The following MR1 variants were observed in gnomAD, a reference collection of about 807,000 sequenced individuals.
MR1 encodes the protein major histocompatibility complex, class I-related.
Under a neutral mutation model 37.8 loss-of-function variants are expected in MR1, and 44 were observed. That is an observed-to-expected ratio of 1.16 (90% CI 0.91 to 1.50). MR1 has a LOEUF of 1.50. Among genes scored for constraint, MR1 ranks in the 40% most tolerant of loss-of-function variants. The probability of loss-of-function intolerance (pLI) is 0.00; values close to 1 mark genes in which losing one functional copy is unlikely to be tolerated. For synonymous variants in MR1, 153 were observed against 155.8 expected (o/e 0.98, Z 0.13); for missense variants, 386 against 419.1 (o/e 0.92, Z 0.69).
At chr1:181,046,173 C>T (rs113086777) in intron 1 of MR1, among the ~76,000 whole-genome samples, 44 of 152,308 alleles carry the variant, frequency 2.9e-4, no homozygotes, top group African/African-American at 1.0e-3. Flanking sequence ...CCCTGCTCCA[C>T]GGCGCCAGTC....
rs1658652663 is a variant in MR1 at position 181,056,945 on chromosome 1, C to G, written c.*1680C>G. Reference sequence around the variant, plus strand: ...GACCAGCCTGGGCAACACGGTGAAACCCTGTCTCTACTAAAATACAAATAA... The same window carrying G: ...GACCAGCCTGGGCAACACGGTGAAAGCCTGTCTCTACTAAAATACAAATAA... On this transcript the variant is annotated 3_prime_UTR_variant, in exon 6 of 6. Coordinates refer to ENST00000367580, the MANE Select transcript of MR1 (RefSeq NM_001385161.1). The G allele has an allele frequency of 6.6e-6, 1 of 152,224 alleles. No individual in the cohort carries two copies. The highest frequency in any genetic ancestry group is 6.6e-5 in the Admixed American group (1 of 15,266). 9.4% of individuals were successfully genotyped at this position (152,224 alleles called of 1,614,324 possible).
intron 5 of MR1, among the ~76,000 whole-genome samples, chr1:181,054,340 G>A (rs1178263914): frequency 1.3e-5 from 2 of 152,162 alleles, no homozygotes; most frequent in Admixed American, 6.6e-5. Flanking sequence ...TGTTTTCATA[G>A]AGCTTACAAT....
chr1:181,045,738 T>C (rs559718159), intron 1 of MR1, among the ~76,000 whole-genome samples: 43 of 152,304 alleles, frequency 2.8e-4, no homozygotes, highest in African/African-American at 1.0e-3. Flanking sequence ...TGGCGGCACT[T>C]GAGGAGCCCT....
chr1:181,034,156 G>A (rs1464350841), intron 1 of MR1, 82 bp downstream of exon 1: 2 of 1,405,630 alleles, frequency 1.4e-6, no homozygotes, highest in Admixed American at 2.2e-5. Context: ...TAAAACTTGT[G>A]GTGAAAAATA....
At chr1:181,044,814 T>C (rs1657763520) in intron 1 of MR1, among the ~76,000 whole-genome samples, 1 of 152,164 alleles carries the variant, frequency 6.6e-6, no homozygotes, top group African/African-American at 2.4e-5. Flanking sequence ...AGGCAGTTTG[T>C]GGCTGAGCCT....
intron 5 of MR1, 86 bp from the exon 6 acceptor site, chr1:181,055,139 T>G (rs1304742670): frequency 7.9e-7 from 1 of 1,271,522 alleles, no homozygotes; most frequent in Admixed American, 1.8e-5. Flanking sequence ...TGCCTGTTTC[T>G]CAGATTTTGC....
chr1:181,052,294 T>C lies in MR1; in HGVS notation c.664T>C (p.Cys222Arg), dbSNP rs762984615. The C allele has an allele frequency of 1.4e-5, 22 of 1,614,224 alleles. No homozygotes were observed. Among genetic ancestry groups the C allele is most frequent in the Non-Finnish European group, 1.8e-5 (21 of 1,180,030 alleles). The change falls in exon 4 of 6, where the codon TGC becomes CGC. Residue 222 changes from cysteine to arginine, a missense_variant. By Grantham distance (180) the Cys-to-Arg change is radical (BLOSUM62 -3). Transcript: ENST00000367580. ...ETFPGVTALF[C>R]KAHGFYPPEI... Reference sequence around the variant, plus strand: ...TTTTCCAGGGGTTACAGCTCTCTTCTGCAAAGCTCATGGCTTTTACCCCCC... The same window carrying C: ...TTTTCCAGGGGTTACAGCTCTCTTCCGCAAAGCTCATGGCTTTTACCCCCC...
intron 1 of MR1, among the ~76,000 whole-genome samples, chr1:181,035,081 G>A (rs961476060): frequency 2.1e-4 from 32 of 152,126 alleles, no homozygotes; most frequent in South Asian, 1.5e-3. Context: ...CAGACGGATC[G>A]CTTGAGGTCA....
In MR1 at chr1:181,057,538, A is replaced by T. The variant is rs1465985828; in HGVS notation, c.*2273A>T. The T allele has an allele frequency of 6.6e-6, 1 of 152,186 alleles. No homozygotes were observed. The highest frequency in any genetic ancestry group is 1.5e-5 in the Non-Finnish European group (1 of 68,034). The allele number at this position is 152,186 out of a possible 1,614,324, so 9.4% of individuals were successfully genotyped here. On this transcript the variant is annotated 3_prime_UTR_variant, in exon 6 of 6. Transcript: ENST00000367580. ...TACTCTCATCAAAGACACAGATAAAAAGCCTCTGTGTTTCCAAGGCCTTGC... is the reference window on the plus strand; with the variant it reads ...TACTCTCATCAAAGACACAGATAAATAGCCTCTGTGTTTCCAAGGCCTTGC...
rs1571393582 is a variant in MR1 at position 181,049,108 on chromosome 1, C to T, written c.124C>T (p.Pro42Ser). 2.5e-6 allele frequency: 4 copies of T among 1,614,084 alleles called. No individual in the cohort carries two copies. The South Asian group carries it at 4.4e-5, about 18-fold the overall frequency. ...CGTTTCGGATCCCATCCATGGGGTC[C>T]CTGAATTTATTTCGGTTGGGTACGT... ...LGVSDPIHGVPEFISVGYVDS... is the reference protein window; with the variant it reads ...LGVSDPIHGVSEFISVGYVDS... Residue 42 changes from proline (P) to serine (S), a missense_variant, in exon 2 of 6, where the codon CCT (proline) becomes TCT (serine). By Grantham distance (74) the Pro-to-Ser change is moderately conservative. Coordinates refer to ENST00000367580, the MANE Select transcript of MR1 (RefSeq NM_001385161.1).
At chr1:181,040,729 A>G (rs1657509927) in intron 1 of MR1, among the ~76,000 whole-genome samples, 1 of 151,942 alleles carries the variant, frequency 6.6e-6, no homozygotes, top group African/African-American at 2.4e-5. Flanking sequence ...GTGGAGAACA[A>G]CTGTTTCAAA....
At position 181,049,497 on chromosome 1, in the gene MR1, C is replaced by T. The variant is rs1295813666; in HGVS notation, c.328+185C>T. The T allele has an allele frequency of 5.8e-5, 39 of 670,846 alleles. No homozygotes were observed. The East Asian group carries it at 9.1e-4, about 16-fold the overall frequency. The allele number at this position is 670,846 out of a possible 1,614,324, so 41.6% of individuals were successfully genotyped here. A position where few individuals can be genotyped will look rare whatever the true frequency, so the allele number is the denominator to read the frequency against. The stretch of plus-strand genomic sequence containing the variant: ...TGCATCTTCTGGACTGTCCCTCTCT[C>T]CCCCAGGAGCACTCTGTCATTTGCC... On this transcript the variant is annotated intron_variant, in intron 2 of 5. Coordinates refer to ENST00000367580, the MANE Select transcript of MR1 (RefSeq NM_001385161.1).
At chr1:181,042,443 C>T (rs1429106516) in intron 1 of MR1, among the ~76,000 whole-genome samples, 14 of 150,472 alleles carry the variant, frequency 9.3e-5, no homozygotes, top group East Asian at 2.1e-4. Flanking sequence ...TTAGGTGATC[C>T]ACCCACCTCG....
In MR1 at chr1:181,058,763, A is replaced by T. The variant is rs1000460889; in HGVS notation, c.*3498A>T. On this transcript the variant is annotated 3_prime_UTR_variant, in exon 6 of 6. Transcript: ENST00000367580. ...CTGTCTGGGGTCTTTGTCCTCACAT[A>T]TGCAGGTCTAGTGTCCCCACAAAGT... 2.6e-5 allele frequency: 4 copies of T among 152,310 alleles called. No homozygotes were observed. Among genetic ancestry groups the T allele is most frequent in the Non-Finnish European group, 5.9e-5 (4 of 68,042 alleles). 9.4% of individuals were successfully genotyped at this position (152,310 alleles called of 1,614,324 possible). A position where few individuals can be genotyped will look rare whatever the true frequency, so the allele number is the denominator to read the frequency against.
Position 181,049,034 on chromosome 1 carries a change from T to C in MR1, c.68-18T>C, listed in dbSNP as rs1571393329. On this transcript the variant is annotated intron_variant, in intron 1 of 5. Transcript: ENST00000367580. ...CATCTGGGACCCTACATGTCTTCCT[T>C]CTTTGCCTCCTTTCCAGGGACGCAC... 6.2e-7 allele frequency: 1 copy of C among 1,609,906 alleles called. No homozygotes were observed. Among genetic ancestry groups the C allele is most frequent in the African/African-American group, 1.3e-5 (1 of 74,946 alleles).
chr1:181,061,507 T>A lies in MR1; in HGVS notation c.*6242T>A. ...AATGAATTGAATTGAAAGGGAGGAGTGATGGTGGAAAAAAAAACAAGTCAA... is the reference window on the plus strand; with the variant it reads ...AATGAATTGAATTGAAAGGGAGGAGAGATGGTGGAAAAAAAAACAAGTCAA... On this transcript the variant is annotated 3_prime_UTR_variant, in exon 6 of 6. Coordinates refer to ENST00000367580, the MANE Select transcript of MR1 (RefSeq NM_001385161.1). The A allele has an allele frequency of 6.7e-6, 1 of 149,980 alleles. No homozygotes were observed. Among genetic ancestry groups the A allele is most frequent in the South Asian group, 2.1e-4 (1 of 4,736 alleles). 9.3% of individuals were successfully genotyped at this position (149,980 alleles called of 1,614,324 possible). A position where few individuals can be genotyped will look rare whatever the true frequency, so the allele number is the denominator to read the frequency against.
intron 5 of MR1, 118 bp downstream of exon 5, chr1:181,053,795 G>A: frequency 1.4e-6 from 1 of 725,146 alleles, no homozygotes; most frequent in Non-Finnish European, 2.4e-6. Flanking sequence ...CTCAGGCTGG[G>A]ATCACAGAAG....
chr1:181,056,671 C>T lies in MR1; in HGVS notation c.*1406C>T, dbSNP rs550152251. 6.6e-6 allele frequency: 1 copy of T among 152,542 alleles called. No homozygotes were observed. Among genetic ancestry groups the T allele is most frequent in the East Asian group, 1.9e-4 (1 of 5,190 alleles). 9.4% of individuals were successfully genotyped at this position (152,542 alleles called of 1,614,324 possible). A position where few individuals can be genotyped will look rare whatever the true frequency, so the allele number is the denominator to read the frequency against. ...ACATTCCTCGGTCCTACTTCTCTGA[C>T]CCCGTTTGACTCTGCACCTGAGCCC... On this transcript the variant is annotated 3_prime_UTR_variant, in exon 6 of 6. Transcript: ENST00000367580.
intron 5 of MR1, among the ~76,000 whole-genome samples, chr1:181,054,803 G>A (rs1194078868): frequency 2.0e-5 from 3 of 152,150 alleles, no homozygotes; most frequent in Admixed American, 6.6e-5. Context: ...GGAGGTTGCC[G>A]TGAGCAAAGA....
Sources: gnomAD v4.1 joint callset for allele counts (sites outside exome capture counted in the v4.1 genomes callset) on GRCh38, gnomAD v4.1.1 for gene constraint, MANE v1.5 for transcripts, NCBI Gene and HGNC (gene_info 2026-07-23, HGNC 2026-07-21) for gene names.